The following PROSER1 variants were observed in gnomAD, a reference collection of about 807,000 sequenced individuals.
PROSER1 encodes the protein proline and serine rich 1, also known as proline and serine-rich protein 1.
A neutral mutation model predicts 71.8 loss-of-function variants in PROSER1; 36 were observed. The ratio of observed to expected loss-of-function variants is 0.50; its 90% CI spans 0.38 to 0.66. The LOEUF is 0.66. Ranked by LOEUF, PROSER1 falls within the 30% of genes least tolerant of loss-of-function variation. The pLI is 0.00. For missense variants in PROSER1, 1,107 were observed against 1,135.0 expected (o/e 0.98, Z 0.35); for synonymous variants, 490 against 452.4 (o/e 1.08, Z -1.06).
At position 39,012,557 on chromosome 13, in the gene PROSER1, T is replaced by C. The variant is rs1224747368; in HGVS notation, c.2561+134A>G. ...TTATCTTAACATGGTTCATAAAACATTTCAGAGTGCTAAAGTTTTCACCCA... is the reference window on the plus strand; with the variant it reads ...TTATCTTAACATGGTTCATAAAACACTTCAGAGTGCTAAAGTTTTCACCCA... On this transcript the variant is annotated intron_variant, in intron 11 of 12. Coordinates refer to ENST00000352251, the MANE Select transcript of PROSER1 (RefSeq NM_025138.5). 29 of 739,810 alleles carry C rather than the reference T, an allele frequency of 3.9e-5. No individual in the cohort carries two copies. In the South Asian group the frequency reaches 4.7e-4, roughly 12 times the overall value. 45.8% of individuals were successfully genotyped at this position (739,810 alleles called of 1,614,324 possible).
intron 3 of PROSER1, 77 bp from the exon 4 acceptor site, chr13:39,029,452 T>C (rs911197226): frequency 2.6e-5 from 18 of 703,904 alleles, no homozygotes; most frequent in African/African-American, 2.3e-4. Context: ...GAAGTACAGT[T>C]AAATGCTCTT....
intron 9 of PROSER1, among the ~76,000 whole-genome samples, chr13:39,020,887 T>C (rs1383139190): frequency 6.6e-6 from 1 of 152,204 alleles, no homozygotes; most frequent in African/African-American, 2.4e-5. Context: ...TCCTTCTCAC[T>C]GCTTTTTTAT....
chr13:39,010,399 A>G lies in PROSER1; in HGVS notation c.*966T>C, dbSNP rs1869586756. 6.6e-6 allele frequency: 1 copy of G among 152,600 alleles called. No individual in the cohort carries two copies. The highest frequency in any genetic ancestry group is 2.1e-4 in the South Asian group (1 of 4,830). The allele number at this position is 152,600 out of a possible 1,614,324, so 9.5% of individuals were successfully genotyped here. A position where few individuals can be genotyped will look rare whatever the true frequency, so the allele number is the denominator to read the frequency against. On this transcript the variant is annotated 3_prime_UTR_variant, in exon 13 of 13. Coordinates refer to ENST00000352251, the MANE Select transcript of PROSER1 (RefSeq NM_025138.5). ...CTACTTCCCACATGTGGCAGTTATTACTTCAAAATTAATGACATTCACTCA... is the reference window on the plus strand; with the variant it reads ...CTACTTCCCACATGTGGCAGTTATTGCTTCAAAATTAATGACATTCACTCA...
At chr13:39,020,119 A>T (rs1293211262) in intron 9 of PROSER1, among the ~76,000 whole-genome samples, 8 of 151,696 alleles carry the variant, frequency 5.3e-5, no homozygotes, top group African/African-American at 1.2e-4. Flanking sequence ...AGTAATAAGC[A>T]CCTAGAAATG....
intron 7 of PROSER1, chr13:39,023,674 G>T (rs1870408450): frequency 6.6e-6 from 1 of 152,542 alleles, no homozygotes; most frequent in African/African-American, 2.4e-5. Flanking sequence ...TATGTTAGTT[G>T]TTCTGCCTTT....
At position 39,013,980 on chromosome 13, in the gene PROSER1, T is replaced by A. The variant is rs184592489; in HGVS notation, c.1272A>T (p.Ser424=). The part of the protein sequence containing the change: ...AASTSNPNSA[S]LSSVFAGLPL... ...GGAGCCCTGCAAAAACTGATGACAA[T>A]GAAGCAGAATTTGGGTTGCTGGTAG... The change falls in exon 11 of 13, where the codon TCA becomes TCT. Residue 424 remains serine (S), a synonymous_variant. Coordinates refer to ENST00000352251, the MANE Select transcript of PROSER1 (RefSeq NM_025138.5). The A allele has an allele frequency of 4.2e-5, 67 of 1,613,986 alleles. No individual in the cohort carries two copies. In the Middle Eastern group the frequency reaches 5.0e-4, roughly 12 times the overall value.
At chr13:39,020,094 C>T (rs1183910828) in intron 9 of PROSER1, among the ~76,000 whole-genome samples, 1 of 136,732 alleles carries the variant, frequency 7.3e-6, no homozygotes, top group Non-Finnish European at 1.6e-5. Flanking sequence ...AAAAAAAAAA[C>T]TAGAGAGGGT....
In PROSER1 at chr13:39,028,428, T is replaced by C. The variant is rs560813788; in HGVS notation, c.276-108A>G. The C allele has an allele frequency of 4.8e-5, 26 of 543,026 alleles. No homozygotes were observed. The East Asian group carries it at 5.7e-4, about 12-fold the overall frequency. The allele number at this position is 543,026 out of a possible 1,614,324, so 33.6% of individuals were successfully genotyped here. On this transcript the variant is annotated intron_variant, in intron 4 of 12. Coordinates refer to ENST00000352251, the MANE Select transcript of PROSER1 (RefSeq NM_025138.5). ...ATCTGAGTAAGCGTTCTCCATGACA[T>C]AGGGAGAAAAGTGTGACTATTTACT...
chr13:39,026,572 GAAT>G (rs1870555099), intron 5 of PROSER1, 185 bp from the exon 6 acceptor site: 2 of 472,354 alleles, frequency 4.2e-6, no homozygotes, highest in African/African-American at 2.0e-5. Flanking sequence ...TATTTAAATG[GAAT>G]AATTAAAATG....
chr13:39,036,987 G>A (rs1018691294), intron 1 of PROSER1, among the ~76,000 whole-genome samples: 11 of 152,164 alleles, frequency 7.2e-5, no homozygotes, highest in African/African-American at 2.4e-4. Context: ...ACGACACCGT[G>A]CTGAGTCTCA....
rs1294538712 is a variant in PROSER1 at position 39,013,501 on chromosome 13, C to T, written c.1751G>A (p.Gly584Asp). 1 of 1,613,820 alleles carries T rather than the reference C, an allele frequency of 6.2e-7. No individual in the cohort carries two copies. Among genetic ancestry groups the T allele is most frequent in the African/African-American group, 1.3e-5 (1 of 74,844 alleles). The part of the protein sequence containing the change: ...SCGSSASLLR[G>D]PHPGTSDLHI... ...CAGATCTGAGGTACCTGGGTGGGGG[C>T]CACGCAAAAGGGAGGCTGAGGAGCC... is the stretch of plus-strand genomic sequence containing the variant. Residue 584 changes from glycine to aspartate, a missense_variant, in exon 11 of 13, where the codon GGC becomes GAC. Gly to Asp is a moderately conservative substitution (Grantham distance 94). Coordinates refer to ENST00000352251, the MANE Select transcript of PROSER1 (RefSeq NM_025138.5).
chr13:39,018,929 A>T (rs912309763), intron 9 of PROSER1, among the ~76,000 whole-genome samples: 2 of 152,092 alleles, frequency 1.3e-5, no homozygotes, highest in East Asian at 3.8e-4. Context: ...ATCCAAAGAT[A>T]AAAAAAATTC....
In PROSER1 at chr13:39,037,456, G is replaced by T. The variant is rs191967601; in HGVS notation, c.-214C>A. 4 of 552,504 alleles carry T rather than the reference G, an allele frequency of 7.2e-6. No individual in the cohort carries two copies. The highest frequency in any genetic ancestry group is 1.3e-5 in the Non-Finnish European group (4 of 312,480). 34.2% of individuals were successfully genotyped at this position (552,504 alleles called of 1,614,324 possible). A position where few individuals can be genotyped will look rare whatever the true frequency, so the allele number is the denominator to read the frequency against. ...TCAGAAAAACTCTTTTTATTAAAAA[G>T]AAAAAACACTCCAGTCAGGCTTCCC... On this transcript the variant is annotated 5_prime_UTR_variant, in exon 1 of 13. Transcript: ENST00000352251.
chr13:39,026,065 A>G (rs1566026532), intron 6 of PROSER1, among the ~76,000 whole-genome samples: 1 of 152,174 alleles, frequency 6.6e-6, no homozygotes, highest in East Asian at 1.9e-4. Flanking sequence ...TGAAAAATAA[A>G]ATCATCCTCT....
rs1480169995 is a variant in PROSER1, at chr13:39,023,143, G to A, written c.565-13C>T. ...ATGTTGAAGGAGGCTAAAACATGGG[G>A]GAAAATACAGCAGTTAGAAGAAAAT... On this transcript the variant is annotated splice_polypyrimidine_tract_variant and intron_variant, in intron 7 of 12. Transcript: ENST00000352251. 1.3e-6 allele frequency: 2 copies of A among 1,594,348 alleles called. No individual in the cohort carries two copies. Among genetic ancestry groups the A allele is most frequent in the African/African-American group, 1.3e-5 (1 of 74,532 alleles).
Position 39,023,055 on chromosome 13 carries a change from GTGC to G in PROSER1, c.637_639del (p.Ala213del). 6.2e-7 allele frequency: 1 copy of G among 1,609,606 alleles called. No individual in the cohort carries two copies. Among genetic ancestry groups the G allele is most frequent in the Non-Finnish European group, 8.5e-7 (1 of 1,176,226 alleles). On this transcript the variant is annotated inframe_deletion, in exon 8 of 13. Coordinates refer to ENST00000352251, the MANE Select transcript of PROSER1 (RefSeq NM_025138.5). Reference sequence around the variant, plus strand: ...AAAAAATAAGGGAACTCCTTACTTGGTGCAATAGTTGCATGTGGTCGGCATGGA... The same window carrying G: ...AAAAAATAAGGGAACTCCTTACTTGGAATAGTTGCATGTGGTCGGCATGGA...
Position 39,014,487 on chromosome 13 carries a change from G to A in PROSER1, c.776-11C>T. 6.4e-7 allele frequency: 1 copy of A among 1,573,062 alleles called. No homozygotes were observed. The highest frequency in any genetic ancestry group is 8.7e-7 in the Non-Finnish European group (1 of 1,155,900). On this transcript the variant is annotated splice_polypyrimidine_tract_variant and intron_variant, in intron 10 of 12. Transcript: ENST00000352251. ...CTGGGGTGGAAAATGCTATATGGAA[G>A]GGGGAAAAAAGGCAAGAATGTATCA...
intron 6 of PROSER1, 136 bp downstream of exon 6, chr13:39,026,141 T>C: frequency 1.7e-6 from 1 of 576,720 alleles, no homozygotes; most frequent in South Asian, 2.5e-5. Flanking sequence ...AGTTTAGACA[T>C]GAACTTTCAA....
chr13:39,024,561 T>TAAAA lies in PROSER1; in HGVS notation c.481-9_481-6dup. 31 of 1,269,610 alleles carry TAAAA rather than the reference T, an allele frequency of 2.4e-5. No homozygotes were observed. The highest frequency in any genetic ancestry group is 1.3e-4 in the South Asian group (9 of 69,196). The allele number at this position is 1,269,610 out of a possible 1,614,324, so 78.6% of individuals were successfully genotyped here. On this transcript the variant is annotated splice_region_variant and splice_polypyrimidine_tract_variant and intron_variant, in intron 6 of 12. Coordinates refer to ENST00000352251, the MANE Select transcript of PROSER1 (RefSeq NM_025138.5). ...ATCTTTTTTCAAAGGAGTTCCCTAT[T>TAAAA]AAAAAAAAAAAAAAAAGGTAATTGA...
Sources: gnomAD v4.1 joint callset for allele counts (sites outside exome capture counted in the v4.1 genomes callset) on GRCh38, gnomAD v4.1.1 for gene constraint, MANE v1.5 for transcripts, NCBI Gene and HGNC (gene_info 2026-07-23, HGNC 2026-07-21) for gene names.